Variants in NEGR1 observed in about 807,000 individuals in gnomAD.
NEGR1 encodes the protein neuronal growth regulator 1.
A neutral mutation model predicts 40.9 loss-of-function variants in NEGR1; 10 were observed. The observed-to-expected ratio is 0.24, with a 90% CI of 0.15 to 0.42. The LOEUF (loss-of-function observed/expected upper bound fraction) is 0.42, where lower values mean the gene tolerates loss of function less well. NEGR1 is among the 10% of genes least tolerant of loss of function. The probability of loss-of-function intolerance (pLI) is 1.00; values close to 1 mark genes in which losing one functional copy is unlikely to be tolerated. For synonymous variants in NEGR1, 185 were observed against 166.8 expected (o/e 1.11, Z -0.84); for missense variants, 352 against 438.9 (o/e 0.80, Z 1.77).
intron 1 of NEGR1, among the ~76,000 whole-genome samples, chr1:72,072,282 C>A (rs139951156): frequency 1.1e-4 from 16 of 152,156 alleles, no homozygotes; most frequent in African/African-American, 3.4e-4. Flanking sequence ...TCTCCATCAC[C>A]AGATGTTTGA....
intron 1 of NEGR1, among the ~76,000 whole-genome samples, chr1:72,240,171 T>C (rs756738475): frequency 2.0e-5 from 3 of 151,732 alleles, no homozygotes; most frequent in Non-Finnish European, 2.9e-5. Flanking sequence ...ATGGGCAAAA[T>C]TATCCAAAGA....
chr1:72,235,282 G>A (rs1391888936), intron 1 of NEGR1, among the ~76,000 whole-genome samples: 1 of 152,128 alleles, frequency 6.6e-6, no homozygotes, highest in Non-Finnish European at 1.5e-5. Context: ...ACAACACAGA[G>A]CGCTTGTGAA....
chr1:71,707,753 C>T (rs1653951875), intron 3 of NEGR1, among the ~76,000 whole-genome samples: 1 of 152,146 alleles, frequency 6.6e-6, no homozygotes, highest in African/African-American at 2.4e-5. Flanking sequence ...GTGGTGGCCA[C>T]AGGGGTGCTT....
intron 6 of NEGR1, among the ~76,000 whole-genome samples, chr1:71,511,621 TAG>T (rs1380679424): frequency 6.6e-6 from 1 of 152,252 alleles, no homozygotes; most frequent in Non-Finnish European, 1.5e-5. Flanking sequence ...TGATTCTATG[TAG>T]ATCAATGTCA....
At chr1:71,485,684 A>G (rs1326551403) in intron 6 of NEGR1, among the ~76,000 whole-genome samples, 5 of 151,728 alleles carry the variant, frequency 3.3e-5, no homozygotes, top group African/African-American at 9.7e-5. Flanking sequence ...TAGGAATTAC[A>G]TAGTAGGTAG....
intron 1 of NEGR1, among the ~76,000 whole-genome samples, chr1:71,990,682 C>T (rs1191704046): frequency 6.6e-6 from 1 of 152,004 alleles, no homozygotes; most frequent in Non-Finnish European, 1.5e-5. Context: ...TCCTAGTCTA[C>T]CAAAGCGACA....
chr1:71,746,292 T>G (rs900954312), intron 3 of NEGR1, among the ~76,000 whole-genome samples: 1 of 152,192 alleles, frequency 6.6e-6, no homozygotes, highest in Non-Finnish European at 1.5e-5. Flanking sequence ...AATTAATGAA[T>G]AAATAAAATA....
chr1:71,564,301 T>A (rs766686975), intron 6 of NEGR1, among the ~76,000 whole-genome samples: 14 of 152,082 alleles, frequency 9.2e-5, no homozygotes, highest in Non-Finnish European at 1.6e-4. Flanking sequence ...TCATAGTATT[T>A]GTTTCCAAAA....
At chr1:72,207,344 C>G (rs1653446343) in intron 1 of NEGR1, among the ~76,000 whole-genome samples, 1 of 151,716 alleles carries the variant, frequency 6.6e-6, no homozygotes, top group African/African-American at 2.4e-5. Context: ...GGGCAAAGAT[C>G]AAACATACAG....
chr1:71,816,741 C>A (rs1039722031), intron 2 of NEGR1, among the ~76,000 whole-genome samples: 3 of 151,944 alleles, frequency 2.0e-5, no homozygotes, highest in Non-Finnish European at 4.4e-5. Context: ...TCCCATTCCC[C>A]AATCTACCAA....
At chr1:71,581,906 G>A (rs1649151608) in intron 6 of NEGR1, among the ~76,000 whole-genome samples, 1 of 151,928 alleles carries the variant, frequency 6.6e-6, no homozygotes, top group African/African-American at 2.4e-5. Flanking sequence ...GTATTGCCAT[G>A]TTGCCCAAGC....
chr1:71,863,732 C>T (rs6683443), intron 2 of NEGR1, among the ~76,000 whole-genome samples: 39,336 of 151,970 alleles, frequency 0.26, 5,288 homozygotes, highest in East Asian at 0.51. Context: ...ATGGCTCCTC[C>T]TCATTTGGGA....
intron 3 of NEGR1, among the ~76,000 whole-genome samples, chr1:71,748,552 G>T (rs958236255): frequency 3.3e-5 from 5 of 152,076 alleles, no homozygotes; most frequent in Non-Finnish European, 7.4e-5. Flanking sequence ...CCTGTATCCT[G>T]AAGAAAACAT....
At chr1:71,964,735 G>T (rs950606190) in intron 1 of NEGR1, among the ~76,000 whole-genome samples, 1 of 151,940 alleles carries the variant, frequency 6.6e-6, no homozygotes, top group Non-Finnish European at 1.5e-5. Flanking sequence ...TAATATCAAT[G>T]AACACATAGC....
At chr1:72,256,393 A>G (rs930649360) in intron 1 of NEGR1, among the ~76,000 whole-genome samples, 1 of 152,222 alleles carries the variant, frequency 6.6e-6, no homozygotes, top group African/African-American at 2.4e-5. Context: ...CCAGCTGGCC[A>G]GATCGTTTTC....
intron 6 of NEGR1, among the ~76,000 whole-genome samples, chr1:71,533,521 C>T (rs1647420040): frequency 6.6e-6 from 1 of 151,648 alleles, no homozygotes; most frequent in South Asian, 2.1e-4. Context: ...ACATCTCACA[C>T]ATATACACAC....
intron 1 of NEGR1, among the ~76,000 whole-genome samples, chr1:72,031,593 G>A (rs1253066807): frequency 1.3e-5 from 2 of 152,154 alleles, no homozygotes; most frequent in Non-Finnish European, 2.9e-5. Context: ...AAATCTGAGA[G>A]CATCACAAAG....
At chr1:72,102,058 A>G (rs1648969258) in intron 1 of NEGR1, among the ~76,000 whole-genome samples, 1 of 152,068 alleles carries the variant, frequency 6.6e-6, no homozygotes. Flanking sequence ...CTGCAACTCT[A>G]ATAAGCAGTA....
chr1:71,778,606 A>G lies in NEGR1; in HGVS notation c.410-2309T>C, dbSNP rs146982742. ...CAGTGCCCACTATTAAAAAAATTATATAGTGCTTTTTTCCTTTATATAGAA... is the reference window on the plus strand; with the variant it reads ...CAGTGCCCACTATTAAAAAAATTATGTAGTGCTTTTTTCCTTTATATAGAA... On this transcript the variant is annotated intron_variant, in intron 2 of 6. Coordinates refer to ENST00000357731, the MANE Select transcript of NEGR1 (RefSeq NM_173808.3). Among the ~76,000 whole-genome samples the G allele has an allele frequency of 2.7e-3, 404 of 152,266 alleles. 2 individuals carry two copies. Among genetic ancestry groups the G allele is most frequent in the African/African-American group, 9.3e-3 (385 of 41,556 alleles).
Sources: gnomAD v4.1 joint callset for allele counts (sites outside exome capture counted in the v4.1 genomes callset) on GRCh38, gnomAD v4.1.1 for gene constraint, MANE v1.5 for transcripts, NCBI Gene and HGNC (gene_info 2026-07-23, HGNC 2026-07-21) for gene names.